Variants in ZNF429 observed in about 807,000 individuals in gnomAD.
ZNF429 encodes the protein zinc finger protein 429.
In ZNF429, 53 loss-of-function variants were observed where a neutral mutation model predicts 56.8. The observed-to-expected ratio is 0.93, with a 90% CI of 0.75 to 1.17. The LOEUF is 1.17. ZNF429 is among the 50% of genes most tolerant of loss of function. ZNF429 has a pLI of 0.00. For missense variants in ZNF429, 849 were observed against 788.4 expected (o/e 1.08, Z -0.92); for synonymous variants, 278 against 264.7 (o/e 1.05, Z -0.49).
At chr19:21,511,762 G>A (rs11879259) in intron 1 of ZNF429, among the ~76,000 whole-genome samples, 1,662 of 152,118 alleles carry the variant, frequency 0.011, 25 homozygotes, top group African/African-American at 0.034. Flanking sequence ...CCGAGATCAC[G>A]CCACTGCACT....
chr19:21,540,026 G>A lies in ZNF429; in HGVS notation c.*1948G>A, dbSNP rs1417101758. ...TCGATGTTCAGAGTAATATGCCTCT[G>A]TATTACAGTGATAGAAAATATTTTT... On this transcript the variant is annotated 3_prime_UTR_variant, in exon 4 of 4. Coordinates refer to ENST00000358491, the MANE Select transcript of ZNF429 (RefSeq NM_001001415.4). Among the ~76,000 whole-genome samples, 1 of 152,068 alleles carries A rather than the reference G, an allele frequency of 6.6e-6. No individual in the cohort carries two copies. The highest frequency in any genetic ancestry group is 2.4e-5 in the African/African-American group (1 of 41,422).
intron 1 of ZNF429, among the ~76,000 whole-genome samples, chr19:21,528,894 T>C (rs1346358305): frequency 1.3e-5 from 2 of 152,226 alleles, no homozygotes; most frequent in African/African-American, 4.8e-5. Context: ...CAGTTGATGT[T>C]AATGATTCAC....
chr19:21,517,483 T>C (rs540020898), intron 1 of ZNF429, among the ~76,000 whole-genome samples: 3 of 152,260 alleles, frequency 2.0e-5, no homozygotes, highest in African/African-American at 7.2e-5. Flanking sequence ...TTCTTCTCAA[T>C]TTTTTTAGTA....
chr19:21,524,158 A>G (rs112233599), intron 1 of ZNF429, among the ~76,000 whole-genome samples: 3 of 152,324 alleles, frequency 2.0e-5, no homozygotes, highest in Admixed American at 6.5e-5. Flanking sequence ...AGATTCAGTA[A>G]GTGTAAACAA....
chr19:21,535,390 T>TTTTC, intron 3 of ZNF429, among the ~76,000 whole-genome samples: 16 of 48,052 alleles, frequency 3.3e-4, no homozygotes, highest in African/African-American at 1.8e-3. Flanking sequence ...TTTTACTTTC[T>TTTTC]TTCTTTCTTT....
intron 1 of ZNF429, among the ~76,000 whole-genome samples, chr19:21,508,437 AC>A (rs1233851561): frequency 2.0e-5 from 3 of 152,146 alleles, no homozygotes; most frequent in Non-Finnish European, 4.4e-5. Flanking sequence ...AAGTGATTGA[AC>A]TTGACACATG....
At chr19:21,530,089 G>T in intron 2 of ZNF429, among the ~76,000 whole-genome samples, 1 of 151,926 alleles carries the variant, frequency 6.6e-6, no homozygotes, top group Admixed American at 6.6e-5. Flanking sequence ...TACTCGGGAG[G>T]CTGAGGCAGG....
intron 1 of ZNF429, among the ~76,000 whole-genome samples, chr19:21,509,802 A>G (rs962454036): frequency 2.6e-5 from 4 of 152,264 alleles, no homozygotes; most frequent in African/African-American, 7.2e-5. Flanking sequence ...GTATAAAAAA[A>G]AGAAAATTGA....
At chr19:21,511,372 G>A (rs2032460564) in intron 1 of ZNF429, among the ~76,000 whole-genome samples, 2 of 151,032 alleles carry the variant, frequency 1.3e-5, no homozygotes, top group Admixed American at 6.6e-5. Context: ...GGGCGGCCGG[G>A]CAGAGACGCT....
intron 1 of ZNF429, among the ~76,000 whole-genome samples, chr19:21,519,310 A>G (rs951284908): frequency 1.3e-5 from 2 of 152,166 alleles, no homozygotes; most frequent in African/African-American, 4.8e-5. Context: ...GAGAAGAGAA[A>G]CAAATTTTCC....
intron 1 of ZNF429, among the ~76,000 whole-genome samples, chr19:21,511,722 A>G (rs949933063): frequency 3.3e-5 from 5 of 151,842 alleles, no homozygotes; most frequent in Non-Finnish European, 4.4e-5. Flanking sequence ...AGGCCAAGGC[A>G]GGCGGCTGGA....
chr19:21,529,419 T>C, intron 1 of ZNF429: 1 of 784,448 alleles, frequency 1.3e-6, no homozygotes, highest in Non-Finnish European at 1.6e-6. Flanking sequence ...AAATGTCATG[T>C]GTACACTGAT....
At chr19:21,505,843 G>A in intron 1 of ZNF429, 69 bp downstream of exon 1, 1 of 1,556,086 alleles carries the variant, frequency 6.4e-7, no homozygotes, top group Non-Finnish European at 8.8e-7. Context: ...AAGTGGCCGT[G>A]GCGGACTTAG....
intron 1 of ZNF429, among the ~76,000 whole-genome samples, chr19:21,523,946 C>T (rs545047895): frequency 6.6e-6 from 1 of 152,290 alleles, no homozygotes; most frequent in East Asian, 1.9e-4. Flanking sequence ...CAGGCCTCTT[C>T]TTGGGATTTA....
chr19:21,520,003 C>T (rs12461610), intron 1 of ZNF429, among the ~76,000 whole-genome samples: 1 of 151,936 alleles, frequency 6.6e-6, no homozygotes, highest in African/African-American at 2.4e-5. Flanking sequence ...TTACAGGCAC[C>T]TGCCACCATG....
intron 1 of ZNF429, among the ~76,000 whole-genome samples, chr19:21,510,693 A>T (rs932580574): frequency 2.0e-5 from 3 of 151,490 alleles, no homozygotes; most frequent in African/African-American, 7.3e-5. Flanking sequence ...AAGTGAACAA[A>T]GGTCTCTGGT....
chr19:21,516,121 T>A (rs2650827), intron 1 of ZNF429, among the ~76,000 whole-genome samples: 28,274 of 151,990 alleles, frequency 0.19, 2,671 homozygotes, highest in Middle Eastern at 0.22. Flanking sequence ...CAGGCTGGAG[T>A]GCAGTGGAGC....
intron 1 of ZNF429, among the ~76,000 whole-genome samples, chr19:21,517,456 A>C (rs2032797572): frequency 6.6e-6 from 1 of 152,122 alleles, no homozygotes; most frequent in East Asian, 1.9e-4. Context: ...TTACTATATA[A>C]TGAGCAGGGG....
At position 21,538,384 on chromosome 19, in the gene ZNF429, G is replaced by A. The variant is rs925055608; in HGVS notation, c.*306G>A. 5.3e-5 allele frequency among the ~76,000 whole-genome samples: 8 copies of A among 151,420 alleles called. No homozygotes were observed. The highest frequency in any genetic ancestry group is 2.6e-4 in the Admixed American group (4 of 15,142). The stretch of plus-strand genomic sequence containing the variant: ...TGGGAGGCCGAGGCGGGTGGATCAC[G>A]AGGTCAGGAGTTCAAGACCAGCCTG... On this transcript the variant is annotated 3_prime_UTR_variant, in exon 4 of 4. Transcript: ENST00000358491.
Sources: allele counts gnomAD v4.1 joint callset (sites outside exome capture counted in the v4.1 genomes callset), GRCh38; gene constraint gnomAD v4.1.1; transcripts MANE v1.5; gene names NCBI Gene and HGNC (gene_info 2026-07-23, HGNC 2026-07-21).